Variants in CGAS observed in about 807,000 individuals in gnomAD.
CGAS encodes cyclic GMP-AMP synthase, also known as 2'3'-cGAMP synthase.
A neutral mutation model predicts 34.0 loss-of-function variants in CGAS; 31 were observed. That is an observed-to-expected ratio of 0.91 (90% CI 0.69 to 1.23). The LOEUF is 1.23. CGAS is among the 50% of genes most tolerant of loss of function. CGAS has a pLI of 0.00. For synonymous variants in CGAS, 266 were observed against 260.0 expected (o/e 1.02, Z -0.22); for missense variants, 597 against 657.6 (o/e 0.91, Z 1.01).
chr6:73,434,452 A>C (rs1770246639), intron 3 of CGAS, among the ~76,000 whole-genome samples: 1 of 152,156 alleles, frequency 6.6e-6, no homozygotes, highest in Non-Finnish European at 1.5e-5. Context: ...AATCATAAGA[A>C]ACATAATAAA....
intron 2 of CGAS, among the ~76,000 whole-genome samples, 185 bp from the exon 3 acceptor site, chr6:73,440,630 G>T (rs1770361835): frequency 6.6e-6 from 1 of 152,142 alleles, no homozygotes; most frequent in Non-Finnish European, 1.5e-5. Flanking sequence ...GGCTGGGCAT[G>T]ATGGCTCATG....
intron 1 of CGAS, among the ~76,000 whole-genome samples, chr6:73,447,933 ACT>A (rs1406883414): frequency 6.6e-6 from 1 of 152,028 alleles, no homozygotes; most frequent in Non-Finnish European, 1.5e-5. Context: ...CGATTTCATC[ACT>A]CTTTTTCCCA....
chr6:73,432,550 T>C (rs1379985911), intron 3 of CGAS, among the ~76,000 whole-genome samples: 3 of 152,086 alleles, frequency 2.0e-5, no homozygotes, highest in African/African-American at 7.2e-5. Context: ...CTCAACCTCC[T>C]AGACTCAAGT....
Position 73,439,928 on chromosome 6 carries a change from C to A in CGAS, c.1114+281G>T, listed in dbSNP as rs1770346775. The A allele has an allele frequency of 1.2e-5, 4 of 324,576 alleles. No homozygotes were observed. In the East Asian group the frequency reaches 2.1e-4, roughly 17 times the overall value. 20.1% of individuals were successfully genotyped at this position (324,576 alleles called of 1,614,324 possible). A position where few individuals can be genotyped will look rare whatever the true frequency, so the allele number is the denominator to read the frequency against. The stretch of plus-strand genomic sequence containing the variant: ...GGAGCCTCAGGATTCAGAACCAGGG[C>A]AGTCTGACTCCAAGGCCAATACTGC... On this transcript the variant is annotated intron_variant, in intron 3 of 4. Coordinates refer to ENST00000370315, the MANE Select transcript of CGAS (RefSeq NM_138441.3).
At chr6:73,442,597 CTTTTTTTTT>C (rs66905880) in intron 2 of CGAS, among the ~76,000 whole-genome samples, 2 of 131,498 alleles carry the variant, frequency 1.5e-5, no homozygotes, top group Admixed American at 7.8e-5. Context: ...TTTTTTCTTT[CTTTTTTTTT>C]TTTTTTTTTT....
chr6:73,432,581 C>G (rs368138426), intron 3 of CGAS, among the ~76,000 whole-genome samples: 1 of 152,278 alleles, frequency 6.6e-6, no homozygotes, highest in African/African-American at 2.4e-5. Flanking sequence ...CCTCAGCCCC[C>G]CAAATAGCTG....
intron 3 of CGAS, among the ~76,000 whole-genome samples, chr6:73,435,454 C>T (rs1011110327): frequency 3.3e-5 from 5 of 151,992 alleles, no homozygotes; most frequent in African/African-American, 9.6e-5. Flanking sequence ...AAATGCCTAG[C>T]AATATTACAT....
chr6:73,445,042 T>G (rs1286995001), intron 2 of CGAS, among the ~76,000 whole-genome samples: 1 of 152,034 alleles, frequency 6.6e-6, no homozygotes, highest in African/African-American at 2.4e-5. Flanking sequence ...CTGTGGTACA[T>G]CAACATCAAA....
chr6:73,444,917 G>T (rs574440444), intron 2 of CGAS, among the ~76,000 whole-genome samples: 1 of 152,108 alleles, frequency 6.6e-6, no homozygotes, highest in Non-Finnish European at 1.5e-5. Context: ...TGGATGGTGC[G>T]TCTGGGTGGA....
Position 73,425,218 on chromosome 6 carries a change from A to C in CGAS, c.*9T>G, listed in dbSNP as rs745852660. ...ACTCTAGTTCTTAGATCTTTCTAAA[A>C]ATACAATCTCAAAATTCATCAAAAA... On this transcript the variant is annotated 3_prime_UTR_variant, in exon 5 of 5. Transcript: ENST00000370315. 3 of 1,541,606 alleles carry C rather than the reference A, an allele frequency of 1.9e-6. No homozygotes were observed. Among genetic ancestry groups the C allele is most frequent in the Non-Finnish European group, 8.8e-7 (1 of 1,141,884 alleles).
intron 3 of CGAS, among the ~76,000 whole-genome samples, chr6:73,429,858 T>C (rs979323385): frequency 1.3e-5 from 2 of 151,994 alleles, no homozygotes; most frequent in Non-Finnish European, 2.9e-5. Flanking sequence ...AGTCTTACCA[T>C]GGCTAGCTCT....
intron 1 of CGAS, among the ~76,000 whole-genome samples, chr6:73,449,089 CA>C (rs1207002574): frequency 3.5e-5 from 5 of 144,316 alleles, no homozygotes; most frequent in African/African-American, 1.3e-4. Flanking sequence ...ACTCCATCCC[CA>C]AAAAAAAAGA....
intron 2 of CGAS, among the ~76,000 whole-genome samples, chr6:73,442,253 C>T (rs1282093795): frequency 6.6e-6 from 1 of 152,098 alleles, no homozygotes; most frequent in Non-Finnish European, 1.5e-5. Context: ...CCATGCTCTT[C>T]AAGTATTTCC....
intron 3 of CGAS, chr6:73,439,988 A>G (rs1770347887): frequency 4.1e-6 from 2 of 482,704 alleles, no homozygotes; most frequent in Non-Finnish European, 3.6e-6. Flanking sequence ...TAAAATTCAA[A>G]TATGGATTGC....
chr6:73,432,643 A>C (rs778142888), intron 3 of CGAS, among the ~76,000 whole-genome samples: 7 of 151,788 alleles, frequency 4.6e-5, no homozygotes, highest in Non-Finnish European at 8.8e-5. Flanking sequence ...GTATTTTTTG[A>C]AGAGACAGGG....
At position 73,424,876 on chromosome 6, in the gene CGAS, G is replaced by A. The variant is rs1435682564; in HGVS notation, c.*351C>T. The A allele has an allele frequency of 6.6e-6, 1 of 152,238 alleles. No homozygotes were observed. Among genetic ancestry groups the A allele is most frequent in the African/African-American group, 2.4e-5 (1 of 41,334 alleles). The allele number at this position is 152,238 out of a possible 1,614,324, so 9.4% of individuals were successfully genotyped here. ...TTATTTATTTATTTATTTTTTGAGAGGAAGTCTTGCTCTGTCACCCAGGAT... is the reference window on the plus strand; with the variant it reads ...TTATTTATTTATTTATTTTTTGAGAAGAAGTCTTGCTCTGTCACCCAGGAT... On this transcript the variant is annotated 3_prime_UTR_variant, in exon 5 of 5. Coordinates refer to ENST00000370315, the MANE Select transcript of CGAS (RefSeq NM_138441.3).
At chr6:73,440,140 T>C in intron 3 of CGAS, 69 bp downstream of exon 3, 1 of 1,399,164 alleles carries the variant, frequency 7.1e-7, no homozygotes, top group Admixed American at 2.3e-5. Flanking sequence ...CTGTTGATCT[T>C]TTACTGCCTG....
chr6:73,432,011 G>A (rs775479109), intron 3 of CGAS, among the ~76,000 whole-genome samples: 5 of 151,844 alleles, frequency 3.3e-5, no homozygotes, highest in South Asian at 2.1e-4. Context: ...GGATTTTTTT[G>A]TAGAGACGGG....
intron 3 of CGAS, among the ~76,000 whole-genome samples, chr6:73,436,777 C>T (rs762171417): frequency 1.3e-5 from 2 of 150,848 alleles, no homozygotes; most frequent in African/African-American, 2.5e-5. Context: ...CCCACTTCAG[C>T]CTCCCAAAGT....
Sources: allele counts gnomAD v4.1 joint callset (sites outside exome capture counted in the v4.1 genomes callset), GRCh38; gene constraint gnomAD v4.1.1; transcripts MANE v1.5; gene names NCBI Gene and HGNC (gene_info 2026-07-23, HGNC 2026-07-21).